The following ERI1 variants were observed in gnomAD, a reference collection of about 807,000 sequenced individuals.
ERI1 encodes the protein exoribonuclease 1.
In ERI1, 39 loss-of-function variants were observed where a neutral mutation model predicts 39.7. That is an observed-to-expected ratio of 0.98 (90% confidence interval 0.76 to 1.28). The LOEUF is 1.28. Ranked by LOEUF, ERI1 falls within the 50% of genes most tolerant of loss-of-function variation. The probability of loss-of-function intolerance (pLI) is 0.00; values close to 1 mark genes in which losing one functional copy is unlikely to be tolerated. For synonymous variants in ERI1, 204 were observed against 149.6 expected (o/e 1.36, Z -2.65); for missense variants, 581 against 416.9 (o/e 1.39, Z -3.43).
At chr8:9,018,835 C>A (rs1288916923) in intron 5 of ERI1, among the ~76,000 whole-genome samples, 3 of 152,150 alleles carry the variant, frequency 2.0e-5, no homozygotes, top group Non-Finnish European at 4.4e-5. Flanking sequence ...GTTACTTATG[C>A]CTCCCTCTGT....
intron 6 of ERI1, among the ~76,000 whole-genome samples, chr8:9,022,836 A>G (rs759800205): frequency 2.0e-4 from 30 of 152,214 alleles, no homozygotes; most frequent in Non-Finnish European, 2.5e-4. Context: ...ACTCATGGCC[A>G]GTCATGTTTC....
chr8:9,051,554 G>A (rs1352696999), intron 3 of ERI1, among the ~76,000 whole-genome samples: 2 of 152,016 alleles, frequency 1.3e-5, no homozygotes, highest in African/African-American at 4.8e-5. Context: ...CTACTTGGGA[G>A]GCTAAGGTGG....
At chr8:9,053,911 T>C (rs766699950) in intron 3 of ERI1, among the ~76,000 whole-genome samples, 5 of 152,248 alleles carry the variant, frequency 3.3e-5, no homozygotes, top group Non-Finnish European at 7.3e-5. Context: ...TAGTATTCTC[T>C]TTCTCTGCTT....
chr8:9,048,051 G>A (rs1246153930), intron 3 of ERI1, among the ~76,000 whole-genome samples: 1 of 152,194 alleles, frequency 6.6e-6, no homozygotes, highest in East Asian at 1.9e-4. Context: ...CTTGAACCTA[G>A]GTCCCCCAGA....
intron 3 of ERI1, among the ~76,000 whole-genome samples, chr8:9,066,082 C>T (rs959179395): frequency 1.3e-5 from 2 of 152,186 alleles, no homozygotes; most frequent in Non-Finnish European, 2.9e-5. Flanking sequence ...TCTCTATCTG[C>T]AGTGCCCTGT....
chr8:9,075,071 C>G (rs1041751115), intron 3 of ERI1, among the ~76,000 whole-genome samples: 1 of 152,194 alleles, frequency 6.6e-6, no homozygotes, highest in Non-Finnish European at 1.5e-5. Flanking sequence ...GGCCAAGATT[C>G]CCTGTTCGGT....
At chr8:9,010,232 G>C (rs896864787) in intron 2 of ERI1, among the ~76,000 whole-genome samples, 2 of 152,174 alleles carry the variant, frequency 1.3e-5, no homozygotes, top group Admixed American at 1.3e-4. Flanking sequence ...CTAGTTGTAT[G>C]TTTGTCCTGC....
chr8:9,007,574 A>G (rs532223450), intron 1 of ERI1, among the ~76,000 whole-genome samples: 2 of 152,316 alleles, frequency 1.3e-5, no homozygotes, highest in East Asian at 1.9e-4. Flanking sequence ...CCCAAACACT[A>G]TTTACCATTA....
intron 3 of ERI1, among the ~76,000 whole-genome samples, chr8:9,015,194 A>G (rs866464136): frequency 6.6e-6 from 1 of 152,166 alleles, no homozygotes; most frequent in African/African-American, 2.4e-5. Flanking sequence ...ACAACCATTT[A>G]TAGCTCATCC....
At chr8:9,040,831 C>T (rs1269625271) in intron 3 of ERI1, among the ~76,000 whole-genome samples, 1 of 152,054 alleles carries the variant, frequency 6.6e-6, no homozygotes, top group East Asian at 1.9e-4. Context: ...GAGTGGAGCA[C>T]AAACCTGCCC....
At chr8:9,008,789 G>A (rs959713557) in intron 2 of ERI1, among the ~76,000 whole-genome samples, 2 of 152,034 alleles carry the variant, frequency 1.3e-5, no homozygotes, top group African/African-American at 2.4e-5. Flanking sequence ...AAAATACATC[G>A]ATTTTTGATA....
chr8:9,008,072 A>G lies in ERI1; in HGVS notation c.211A>G (p.Ile71Val), dbSNP rs370887027. 1.6e-5 allele frequency: 26 copies of G among 1,612,318 alleles called. No individual in the cohort carries two copies. The highest frequency in any genetic ancestry group is 2.0e-5 in the Non-Finnish European group (24 of 1,179,568). Reference sequence around the variant, plus strand: ...TGACCCGGTTTACAAAGAGATTGCCATTACGAATGGCTGTATTAATAGAAT... The same window carrying G: ...TGACCCGGTTTACAAAGAGATTGCCGTTACGAATGGCTGTATTAATAGAAT... ...FSDPVYKEIAITNGCINRMSK... is the reference protein window; with the variant it reads ...FSDPVYKEIAVTNGCINRMSK... Residue 71 changes from isoleucine to valine, a missense_variant, in exon 2 of 7, where the codon ATT becomes GTT. Physicochemically the swap from Ile to Val is conservative, Grantham distance 29. Transcript: ENST00000250263.
chr8:9,061,066 A>C (rs1798679110), intron 3 of ERI1, among the ~76,000 whole-genome samples: 1 of 152,216 alleles, frequency 6.6e-6, no homozygotes, highest in African/African-American at 2.4e-5. Context: ...AAGGCAACTA[A>C]TTCGGTTTGT....
At chr8:9,038,917 G>T (rs974276800) in intron 3 of ERI1, among the ~76,000 whole-genome samples, 3 of 152,170 alleles carry the variant, frequency 2.0e-5, no homozygotes, top group African/African-American at 7.2e-5. Context: ...TACCTGAAAG[G>T]CTTTTACTCA....
chr8:9,056,924 T>A (rs916570377), intron 3 of ERI1, among the ~76,000 whole-genome samples: 2 of 151,540 alleles, frequency 1.3e-5, no homozygotes, highest in Admixed American at 1.3e-4. Flanking sequence ...ATCTTTGTCA[T>A]CTGGGTTCAA....
intron 3 of ERI1, among the ~76,000 whole-genome samples, chr8:9,063,524 G>C (rs1429108050): frequency 1.3e-5 from 2 of 152,172 alleles, no homozygotes; most frequent in Non-Finnish European, 2.9e-5. Context: ...GCCTGGCAAG[G>C]AGGGGAGAGG....
rs968804320 is a variant in ERI1 at position 9,032,142 on chromosome 8, A to T, written c.*2108A>T. 1.3e-5 allele frequency: 2 copies of T among 152,206 alleles called. No homozygotes were observed. The highest frequency in any genetic ancestry group is 4.8e-5 in the African/African-American group (2 of 41,436). The allele number at this position is 152,206 out of a possible 1,614,324, so 9.4% of individuals were successfully genotyped here. A position where few individuals can be genotyped will look rare whatever the true frequency, so the allele number is the denominator to read the frequency against. The stretch of plus-strand genomic sequence containing the variant: ...TTTTGCTGATGAGATGATACTAAAC[A>T]TTGAGAGTACTGCTTTTTACTCTGA... On this transcript the variant is annotated 3_prime_UTR_variant, in exon 7 of 7. Transcript: ENST00000250263.
At chr8:9,046,220 C>T (rs1384346279) in intron 3 of ERI1, among the ~76,000 whole-genome samples, 7 of 152,138 alleles carry the variant, frequency 4.6e-5, no homozygotes, top group African/African-American at 9.7e-5. Context: ...TCCTGAGAAG[C>T]GGTTCTGAAA....
chr8:9,013,632 A>T (rs1002608933), intron 3 of ERI1, among the ~76,000 whole-genome samples: 3 of 151,946 alleles, frequency 2.0e-5, no homozygotes, highest in African/African-American at 7.3e-5. Flanking sequence ...TCAAATACAT[A>T]TTTCCAACCC....
Sources: allele counts gnomAD v4.1 joint callset (sites outside exome capture counted in the v4.1 genomes callset), GRCh38; gene constraint gnomAD v4.1.1; transcripts MANE v1.5; gene names NCBI Gene and HGNC (gene_info 2026-07-23, HGNC 2026-07-21).